The following GSG1L2 variants were observed in gnomAD, a reference collection of about 807,000 sequenced individuals.
GSG1L2 encodes germ cell-specific gene 1-like protein 2.
GSG1L2 carries 15 observed loss-of-function variants against 9.0 expected under a neutral mutation model. That is an observed-to-expected ratio of 1.67 (90% CI 1.12 to 2.57). The LOEUF (loss-of-function observed/expected upper bound fraction) is 2.57, where lower values mean the gene tolerates loss of function less well. Ranked by LOEUF, GSG1L2 falls within the 30% of genes most tolerant of loss-of-function variation. The pLI is 0.00. For missense variants in GSG1L2, 286 were observed against 150.3 expected (o/e 1.90, Z -4.72); for synonymous variants, 127 against 57.9 (o/e 2.19, Z -5.41).
At position 9,801,436 on chromosome 17, in the gene GSG1L2, G is replaced by A. The variant is rs571330720; in HGVS notation, c.*950C>T. 3.1e-4 allele frequency among the ~76,000 whole-genome samples: 47 copies of A among 151,598 alleles called. No individual in the cohort carries two copies. In the South Asian group the frequency reaches 6.5e-3, roughly 21 times the overall value. ...TCACCATGTTGGCCAGGCTGGTCTC[G>A]AACTCCTGACCTCAAGTGATCTGTC... On this transcript the variant is annotated 3_prime_UTR_variant, in exon 5 of 5. Transcript: ENST00000399363.
intron 1 of GSG1L2, among the ~76,000 whole-genome samples, chr17:9,814,466 A>C (rs1203049914): frequency 6.6e-6 from 1 of 152,140 alleles, no homozygotes; most frequent in African/African-American, 2.4e-5. Flanking sequence ...TCCCACCAGG[A>C]ATAGAGACGA....
Position 9,801,599 on chromosome 17 carries a change from T to TA in GSG1L2, c.*786dup, listed in dbSNP as rs2066497092. On this transcript the variant is annotated 3_prime_UTR_variant, in exon 5 of 5. Transcript: ENST00000399363. ...GGTAGCTGGACATGGGATGAATTGA[T>TA]ACAATATTGCAGATGACTGTATTAG... Among the ~76,000 whole-genome samples, 1 of 152,186 alleles carries TA rather than the reference T, an allele frequency of 6.6e-6. No individual in the cohort carries two copies. The highest frequency in any genetic ancestry group is 2.4e-5 in the African/African-American group (1 of 41,450).
At position 9,801,073 on chromosome 17, in the gene GSG1L2, C is replaced by T. The variant is rs953765226; in HGVS notation, c.*1313G>A. Among the ~76,000 whole-genome samples the T allele has an allele frequency of 6.6e-6, 1 of 151,814 alleles. No individual in the cohort carries two copies. The highest frequency in any genetic ancestry group is 1.5e-5 in the Non-Finnish European group (1 of 67,986). ...TTATGACAGTATAAGTGTTACAGTT[C>T]AGCATAAACAGATTTTTATTGGATT... is the stretch of plus-strand genomic sequence containing the variant. On this transcript the variant is annotated 3_prime_UTR_variant, in exon 5 of 5. Transcript: ENST00000399363.
rs143120910 is a variant in GSG1L2, at chr17:9,818,183, A to C, written c.310+3579T>G. Among the ~76,000 whole-genome samples, 120 of 152,306 alleles carry C rather than the reference A, an allele frequency of 7.9e-4. 2 individuals are homozygous for C. In the South Asian group the frequency reaches 0.011, roughly 14 times the overall value. On this transcript the variant is annotated intron_variant, in intron 1 of 4. Transcript: ENST00000399363. ...CTGCTGGCTGTTCGGGAAGCATAGC[A>C]CTGGCATCTGCTCAGCTTCTGGTGA...
chr17:9,802,315 G>A lies in GSG1L2; in HGVS notation c.*71C>T. 1.7e-6 allele frequency: 1 copy of A among 593,386 alleles called. No homozygotes were observed. Among genetic ancestry groups the A allele is most frequent in the South Asian group, 2.1e-5 (1 of 48,750 alleles). 36.8% of individuals were successfully genotyped at this position (593,386 alleles called of 1,614,324 possible). On this transcript the variant is annotated 3_prime_UTR_variant, in exon 5 of 5. Coordinates refer to ENST00000399363, the MANE Select transcript of GSG1L2 (RefSeq NM_001310219.2). Reference sequence around the variant, plus strand: ...CAATCTCCTGAAGTCCAACCCAGAGGCAGGGTGTACATTGTGAGTGTCAGT... The same window carrying A: ...CAATCTCCTGAAGTCCAACCCAGAGACAGGGTGTACATTGTGAGTGTCAGT...
intron 3 of GSG1L2, chr17:9,807,837 T>C (rs2066521936): frequency 2.2e-6 from 1 of 454,714 alleles, no homozygotes; most frequent in African/African-American, 2.0e-5. Context: ...GGAGTCTCCA[T>C]GGCCTGGTTC....
chr17:9,802,451 G>A lies in GSG1L2; in HGVS notation c.817C>T (p.Gln273Ter). ...TGTCCAGAAACATTCCTGAAGGCTT[G>A]TTCAGCAGGGCAAGGAGCAGCTCCT... The part of the protein sequence containing the change: ...KTGAAPCPAE[Q>*]AFRNVSGHLP... The change falls in exon 5 of 5, where the codon CAA becomes TAA. Residue 273 changes from glutamine (Q) to a stop codon, truncating the protein, a stop_gained. Transcript: ENST00000399363. LOFTEE classifies it low-confidence loss of function (END_TRUNC). The A allele has an allele frequency of 1.4e-6, 1 of 701,732 alleles. No homozygotes were observed. The highest frequency in any genetic ancestry group is 1.5e-5 in the South Asian group (1 of 67,544). The allele number at this position is 701,732 out of a possible 1,614,324, so 43.5% of individuals were successfully genotyped here.
chr17:9,807,510 C>A lies in GSG1L2; in HGVS notation c.603G>T (p.Trp201Cys). Residue 201 changes from tryptophan (W) to cysteine (C), a missense_variant, in exon 4 of 5, where the codon TGG becomes TGT. Physicochemically the swap from Trp to Cys is radical, Grantham distance 215. Transcript: ENST00000399363. ...CTTACCAATATGACCAGCCATAGTC[C>A]CAGGTCTGAGGCTTCCAATCTTCTG... ...LGPEDWKPQT[W>C]DYGWSYCLAW... 2 of 702,928 alleles carry A rather than the reference C, an allele frequency of 2.8e-6. No homozygotes were observed. The highest frequency in any genetic ancestry group is 1.5e-5 in the South Asian group (1 of 67,592). 43.5% of individuals were successfully genotyped at this position (702,928 alleles called of 1,614,324 possible). A position where few individuals can be genotyped will look rare whatever the true frequency, so the allele number is the denominator to read the frequency against.
intron 1 of GSG1L2, among the ~76,000 whole-genome samples, chr17:9,818,501 ATTTTTTTTTT>A (rs377057350): frequency 8.5e-4 from 70 of 82,800 alleles, no homozygotes; most frequent in South Asian, 4.0e-3. Context: ...ACACAGCTAA[ATTTTTTTTTT>A]TTTTTTTTTT....
At chr17:9,803,252 G>A (rs55894410) in intron 4 of GSG1L2, among the ~76,000 whole-genome samples, 5,058 of 152,050 alleles carry the variant, frequency 0.033, 231 homozygotes, top group African/African-American at 0.099. Context: ...ACAGGCATGC[G>A]CCACCACACC....
intron 1 of GSG1L2, among the ~76,000 whole-genome samples, chr17:9,816,769 G>A (rs1370687509): frequency 1.9e-5 from 2 of 104,656 alleles, no homozygotes; most frequent in Non-Finnish European, 3.7e-5. Context: ...GTGTCTGTGT[G>A]TGCGTGTGTG....
rs1266675609 is a variant in GSG1L2, at chr17:9,808,864, C to T, written c.477G>A (p.Val159=). Residue 159 remains valine (V), a synonymous_variant, in exon 3 of 5, where the codon GTG becomes GTA. Transcript: ENST00000399363. ...CCATGAAGATGGCTACCAAGGCATC[C>T]ACCCTGAGCCAGTGGAACCCAGGGC... is the stretch of plus-strand genomic sequence containing the variant. The part of the protein sequence containing the change: ...CRSPGFHWLR[V]DALVAIFMVL... 1.4e-6 allele frequency: 1 copy of T among 702,900 alleles called. No individual in the cohort carries two copies. The highest frequency in any genetic ancestry group is 2.6e-6 in the Non-Finnish European group (1 of 384,976). The allele number at this position is 702,900 out of a possible 1,614,324, so 43.5% of individuals were successfully genotyped here.
At chr17:9,817,235 C>T (rs1349142872) in intron 1 of GSG1L2, among the ~76,000 whole-genome samples, 1 of 152,150 alleles carries the variant, frequency 6.6e-6, no homozygotes. Context: ...CCACCCCTGC[C>T]GGAATATCCA....
chr17:9,819,961 T>C (rs374001358), intron 1 of GSG1L2, among the ~76,000 whole-genome samples: 29 of 151,750 alleles, frequency 1.9e-4, no homozygotes, highest in South Asian at 4.2e-4. Flanking sequence ...CAGTGGCTCA[T>C]GCCTGTAATC....
At chr17:9,806,090 C>A (rs1020071462) in intron 4 of GSG1L2, among the ~76,000 whole-genome samples, 1 of 152,152 alleles carries the variant, frequency 6.6e-6, no homozygotes, top group African/African-American at 2.4e-5. Flanking sequence ...CTAATGCTAC[C>A]ATTTTCTGAA....
chr17:9,815,234 G>GA (rs1361755836), intron 1 of GSG1L2, among the ~76,000 whole-genome samples: 5 of 152,018 alleles, frequency 3.3e-5, no homozygotes, highest in Non-Finnish European at 5.9e-5. Context: ...TAAAAATACA[G>GA]AAAAAAATAG....
intron 4 of GSG1L2, among the ~76,000 whole-genome samples, chr17:9,805,267 C>A (rs940364582): frequency 1.3e-4 from 20 of 151,912 alleles, no homozygotes; most frequent in African/African-American, 4.4e-4. Context: ...AGGCTCCCCC[C>A]TCCCCCACCC....
At chr17:9,810,403 A>T in intron 2 of GSG1L2, 168 bp downstream of exon 2, 1 of 604,780 alleles carries the variant, frequency 1.7e-6, no homozygotes, top group Non-Finnish European at 2.9e-6. Context: ...CCAGCACACC[A>T]CTGGCTATAG....
In GSG1L2 at chr17:9,809,215, G is replaced by A. The variant is rs987073554; in HGVS notation, c.359-233C>T. ...GCTGAACGGGCGGTGGGGTGGGGGCGGGGAAACTAAGCAAAACCCTGCTGT... is the reference window on the plus strand; with the variant it reads ...GCTGAACGGGCGGTGGGGTGGGGGCAGGGAAACTAAGCAAAACCCTGCTGT... On this transcript the variant is annotated intron_variant, in intron 2 of 4. Coordinates refer to ENST00000399363, the MANE Select transcript of GSG1L2 (RefSeq NM_001310219.2). 24 of 505,214 alleles carry A rather than the reference G, an allele frequency of 4.8e-5. No individual in the cohort carries two copies. The East Asian group carries it at 6.9e-4, about 15-fold the overall frequency. The allele number at this position is 505,214 out of a possible 1,614,324, so 31.3% of individuals were successfully genotyped here.
Sources: allele counts gnomAD v4.1 joint callset (sites outside exome capture counted in the v4.1 genomes callset), GRCh38; gene constraint gnomAD v4.1.1; transcripts MANE v1.5; gene names NCBI Gene and HGNC (gene_info 2026-07-23, HGNC 2026-07-21).